RBFOX1: variants seen among roughly 807,000 people sequenced by gnomAD.
The protein encoded by RBFOX1 is RNA binding fox-1 homolog 1.
RBFOX1 carries 8 observed loss-of-function variants against 57.7 expected under a neutral mutation model. The ratio of observed to expected loss-of-function variants is 0.14; its 90% CI spans 0.08 to 0.25. The LOEUF (loss-of-function observed/expected upper bound fraction) is 0.25, where lower values mean the gene tolerates loss of function less well. RBFOX1 is among the 10% of genes least tolerant of loss of function. The pLI is 1.00. For missense variants in RBFOX1, 611 were observed against 548.5 expected, an observed-to-expected ratio of 1.11 and a Z score of -1.14; for synonymous variants, 326 against 222.4, an observed-to-expected ratio of 1.47 and a Z score of -4.15.
chr16:6,323,608 C>G (rs1308876516), intron 2 of RBFOX1, among the ~76,000 whole-genome samples: 1 of 152,216 alleles, frequency 6.6e-6, no homozygotes, highest in Non-Finnish European at 1.5e-5. Context: ...TACCCCCAAT[C>G]TAGATCAGTC....
At chr16:7,385,921 TATTTATTTATTTA>T (rs2097868777) in intron 4 of RBFOX1, among the ~76,000 whole-genome samples, 1 of 119,720 alleles carries the variant, frequency 8.4e-6, no homozygotes, top group African/African-American at 3.0e-5. Flanking sequence ...CCCAGTTACT[TATTTATTTATTTA>T]TTTATTTATT....
chr16:6,617,666 G>A (rs2098163652), intron 2 of RBFOX1, among the ~76,000 whole-genome samples: 2 of 152,098 alleles, frequency 1.3e-5, no homozygotes, highest in Non-Finnish European at 2.9e-5. Context: ...GCAGGGTTTT[G>A]ACTCTCAGGG....
chr16:5,983,105 T>C (rs972008906), intron 4 of RBFOX1, among the ~76,000 whole-genome samples: 1 of 152,158 alleles, frequency 6.6e-6, no homozygotes, highest in Non-Finnish European at 1.5e-5. Context: ...CTCACCTGCA[T>C]CTCCGTCTCT....
chr16:5,938,391 G>A (rs532540345), intron 4 of RBFOX1, among the ~76,000 whole-genome samples: 1 of 152,164 alleles, frequency 6.6e-6, no homozygotes, highest in Non-Finnish European at 1.5e-5. Context: ...CTCAAGCTGA[G>A]TGACTTAGCA....
intron 3 of RBFOX1, among the ~76,000 whole-genome samples, chr16:6,871,896 A>C (rs1487479811): frequency 7.0e-6 from 1 of 143,058 alleles, no homozygotes; most frequent in Non-Finnish European, 1.5e-5. Context: ...AGGCTCTTTG[A>C]GAGAGGGAGA....
At chr16:7,211,957 C>G (rs1213086229) in intron 4 of RBFOX1, among the ~76,000 whole-genome samples, 1 of 152,128 alleles carries the variant, frequency 6.6e-6, no homozygotes, top group Non-Finnish European at 1.5e-5. Flanking sequence ...CACCCCTACT[C>G]CCTCCTACCC....
chr16:7,352,335 T>G (rs1450852233), intron 4 of RBFOX1, among the ~76,000 whole-genome samples: 1 of 152,206 alleles, frequency 6.6e-6, no homozygotes, highest in Non-Finnish European at 1.5e-5. Context: ...GGCCTGATGA[T>G]GACCAAGTCG....
intron 1 of RBFOX1, among the ~76,000 whole-genome samples, chr16:6,179,349 T>G (rs2097043215): frequency 6.6e-6 from 1 of 152,204 alleles, no homozygotes; most frequent in Non-Finnish European, 1.5e-5. Context: ...CCATATCACC[T>G]GTGTCCGCAG....
intron 3 of RBFOX1, among the ~76,000 whole-genome samples, chr16:6,728,198 C>T (rs1022991025): frequency 1.6e-4 from 24 of 152,194 alleles, no homozygotes; most frequent in African/African-American, 5.3e-4. Flanking sequence ...TCACTTCTTA[C>T]GGTCATTGTA....
intron 4 of RBFOX1, among the ~76,000 whole-genome samples, chr16:5,953,462 C>T (rs1420574954): frequency 6.6e-6 from 1 of 152,010 alleles, no homozygotes; most frequent in East Asian, 1.9e-4. Context: ...ACGCTGCACC[C>T]AGTTTGTAGT....
At chr16:6,309,258 C>T (rs2079939648) in intron 1 of RBFOX1, among the ~76,000 whole-genome samples, 1 of 152,100 alleles carries the variant, frequency 6.6e-6, no homozygotes, top group Admixed American at 6.5e-5. Context: ...GCCTTACACA[C>T]ACCCTGTTAT....
intron 3 of RBFOX1, among the ~76,000 whole-genome samples, chr16:6,904,983 C>T (rs542057559): frequency 1.3e-4 from 20 of 152,254 alleles, no homozygotes; most frequent in Admixed American, 1.2e-3. Context: ...GGCAGCCAGT[C>T]TGTCAGAGGT....
chr16:6,438,660 T>C (rs2094299962), intron 2 of RBFOX1, among the ~76,000 whole-genome samples: 2 of 152,152 alleles, frequency 1.3e-5, no homozygotes, highest in Non-Finnish European at 2.9e-5. Flanking sequence ...GTTGGCGTTG[T>C]TTGGTCACAG....
chr16:7,294,296 C>G (rs11077169), intron 4 of RBFOX1, among the ~76,000 whole-genome samples: 26,890 of 152,084 alleles, frequency 0.18, 2,499 homozygotes, highest in Middle Eastern at 0.25. Flanking sequence ...ACCCTCTCAA[C>G]TGCCAAACGC....
chr16:5,571,298 G>A (rs1447588219), intron 2 of RBFOX1, among the ~76,000 whole-genome samples: 1 of 132,916 alleles, frequency 7.5e-6, no homozygotes, highest in African/African-American at 2.9e-5. Flanking sequence ...TCAGCTCACT[G>A]CAGCCTCCAC....
intron 3 of RBFOX1, among the ~76,000 whole-genome samples, chr16:7,003,445 C>A (rs1019148553): frequency 1.4e-5 from 2 of 144,704 alleles, no homozygotes; most frequent in Admixed American, 1.4e-4. Flanking sequence ...GGTGACAGAG[C>A]GAGACTCCAT....
At chr16:7,232,238 G>A (rs1373681007) in intron 4 of RBFOX1, among the ~76,000 whole-genome samples, 2 of 152,050 alleles carry the variant, frequency 1.3e-5, no homozygotes, top group Non-Finnish European at 2.9e-5. Flanking sequence ...TGGCCAGGCT[G>A]GTCATGAACT....
chr16:7,424,880 C>T (rs1013923924), intron 4 of RBFOX1, among the ~76,000 whole-genome samples: 2 of 152,018 alleles, frequency 1.3e-5, no homozygotes, highest in East Asian at 3.9e-4. Flanking sequence ...CTGAATGACC[C>T]CCTACTGAGG....
At chr16:6,909,264 C>G (rs1042775787) in intron 3 of RBFOX1, among the ~76,000 whole-genome samples, 1 of 152,148 alleles carries the variant, frequency 6.6e-6, no homozygotes, top group Non-Finnish European at 1.5e-5. Context: ...TCTTCAAAGC[C>G]AGCATTGTGG....
Sources: allele counts gnomAD v4.1 joint callset (sites outside exome capture counted in the v4.1 genomes callset), GRCh38; gene constraint gnomAD v4.1.1; transcripts MANE v1.5; gene names NCBI Gene and HGNC (gene_info 2026-07-23, HGNC 2026-07-21).